Variants in DCAF6 observed in about 807,000 individuals in gnomAD.
DCAF6 encodes DDB1 and CUL4 associated factor 6.
Under a neutral mutation model 125.1 loss-of-function variants are expected in DCAF6, and 54 were observed. The observed-to-expected ratio is 0.43, with a 90% CI of 0.35 to 0.54. The LOEUF (loss-of-function observed/expected upper bound fraction) is 0.54. Among genes scored for constraint, DCAF6 ranks in the 20% least tolerant of loss-of-function variants. DCAF6 has a pLI of 0.01. For synonymous variants in DCAF6, 371 were observed against 390.4 expected (o/e 0.95, Z 0.58); for missense variants, 934 against 1,161.7 (o/e 0.80, Z 2.85).
chr1:167,884,754 G>A, the DCAF6 span, among the ~76,000 whole-genome samples: 3 of 146,074 alleles, frequency 2.1e-5, no homozygotes, highest in African/African-American at 5.1e-5. Context: ...CTGGAGTGCA[G>A]TGGCGCGATC....
intron 12 of DCAF6, among the ~76,000 whole-genome samples, chr1:168,038,011 C>T (rs1340560869): frequency 6.6e-6 from 1 of 152,144 alleles, no homozygotes; most frequent in African/African-American, 2.4e-5. Context: ...CTTATTGATG[C>T]TCAAGCAACT....
intron 12 of DCAF6, among the ~76,000 whole-genome samples, chr1:168,036,769 A>T (rs1189507089): frequency 6.6e-6 from 1 of 152,210 alleles, no homozygotes; most frequent in African/African-American, 2.4e-5. Context: ...TAAAACACTG[A>T]ATGTAATACT....
intron 12 of DCAF6, among the ~76,000 whole-genome samples, chr1:168,026,667 T>C (rs937188582): frequency 3.3e-5 from 5 of 152,024 alleles, no homozygotes; most frequent in Non-Finnish European, 5.9e-5. Flanking sequence ...ATAGAGACTT[T>C]AGGAGGAACA....
chr1:167,893,965 A>G, the DCAF6 span: 6 of 1,569,926 alleles, frequency 3.8e-6, no homozygotes, highest in Non-Finnish European at 5.3e-6. Context: ...AGGAGGGTGC[A>G]GGCTCAGAGA....
chr1:168,043,461 G>A (rs1042116569), intron 14 of DCAF6, among the ~76,000 whole-genome samples: 8 of 152,064 alleles, frequency 5.3e-5, no homozygotes. Context: ...GAAATCCACT[G>A]TATTTGTTTT....
At chr1:167,957,356 AT>A (rs1355547057) in intron 2 of DCAF6, among the ~76,000 whole-genome samples, 2 of 152,090 alleles carry the variant, frequency 1.3e-5, no homozygotes, top group Admixed American at 6.5e-5. Context: ...ACCATACAAT[AT>A]TGGCTGTTAA....
chr1:168,004,021 A>T (rs1682995971), intron 9 of DCAF6, 32 bp downstream of exon 9: 1 of 1,599,852 alleles, frequency 6.3e-7, no homozygotes, highest in Non-Finnish European at 8.5e-7. Flanking sequence ...AGTCATCAGA[A>T]AGCTGGCAAA....
chr1:167,982,846 A>C (rs1679399618), intron 4 of DCAF6, among the ~76,000 whole-genome samples: 1 of 152,116 alleles, frequency 6.6e-6, no homozygotes, highest in Non-Finnish European at 1.5e-5. Context: ...ATATGGTGAA[A>C]TGTAGGGGGG....
intron 11 of DCAF6, among the ~76,000 whole-genome samples, chr1:168,020,306 A>C (rs930205239): frequency 2.0e-5 from 3 of 152,108 alleles, no homozygotes; most frequent in African/African-American, 7.2e-5. Context: ...GAGTAGAAAA[A>C]CCACATTTGA....
intron 4 of DCAF6, among the ~76,000 whole-genome samples, chr1:167,979,908 C>A (rs539840128): frequency 6.7e-6 from 1 of 149,100 alleles, no homozygotes; most frequent in Non-Finnish European, 1.5e-5. Context: ...ACAGGCTGGG[C>A]GCAGTGGCTC....
Position 167,990,936 on chromosome 1 carries a change from T to C in DCAF6, c.553-268T>C, listed in dbSNP as rs1017057592. 5.3e-5 allele frequency among the ~76,000 whole-genome samples: 8 copies of C among 152,302 alleles called. No homozygotes were observed. In the East Asian group the frequency reaches 1.5e-3, roughly 29 times the overall value. The stretch of plus-strand genomic sequence containing the variant: ...TCAATTTTGGAGTTGTATGGCCAAC[T>C]ATAAAGAAAAGAGTATCTTCCTTAG... On this transcript the variant is annotated intron_variant, in intron 5 of 21. Transcript: ENST00000367840.
At chr1:167,947,345 T>G (rs1473617608) in intron 1 of DCAF6, among the ~76,000 whole-genome samples, 5 of 145,668 alleles carry the variant, frequency 3.4e-5, no homozygotes, top group South Asian at 2.1e-4. Context: ...CTTTTGTGGG[T>G]TTTTTTTTTC....
At chr1:167,866,145 T>C in the DCAF6 span, among the ~76,000 whole-genome samples, 1 of 152,236 alleles carries the variant, frequency 6.6e-6, no homozygotes, top group East Asian at 1.9e-4. Flanking sequence ...GGACCTTTAC[T>C]GGGCACTCTG....
intron 7 of DCAF6, among the ~76,000 whole-genome samples, chr1:168,001,553 A>G (rs1682625566): frequency 6.6e-6 from 1 of 152,206 alleles, no homozygotes; most frequent in Admixed American, 6.5e-5. Context: ...TAGATTGAAT[A>G]TAGAATTTTC....
chr1:167,950,154 G>T (rs902175384), intron 1 of DCAF6, among the ~76,000 whole-genome samples: 1 of 138,454 alleles, frequency 7.2e-6, no homozygotes, highest in Non-Finnish European at 1.5e-5. Flanking sequence ...TGTTTCAAAC[G>T]CAGGTTTTAA....
chr1:168,039,089 C>A (rs974106978), intron 13 of DCAF6, among the ~76,000 whole-genome samples: 2 of 151,772 alleles, frequency 1.3e-5, no homozygotes, highest in African/African-American at 4.8e-5. Context: ...CATTTTTTAC[C>A]AAATAAGGCT....
chr1:168,054,110 A>T (rs1041640765), intron 17 of DCAF6, among the ~76,000 whole-genome samples: 1 of 152,250 alleles, frequency 6.6e-6, no homozygotes, highest in African/African-American at 2.4e-5. Context: ...TAACATATAG[A>T]ACTTTTTTAT....
intron 11 of DCAF6, chr1:168,019,507 T>C (rs993949162): frequency 2.2e-6 from 1 of 452,510 alleles, no homozygotes; most frequent in African/African-American, 2.0e-5. Context: ...ATTCAGCATA[T>C]GGCTGATTTT....
Position 168,060,996 on chromosome 1 carries a change from G to A in DCAF6, c.2301-2625G>A, listed in dbSNP as rs544744972. On this transcript the variant is annotated intron_variant, in intron 17 of 21. Transcript: ENST00000367840. ...TGCTACCTATAACTCTACTTTCTTA[G>A]CAAAAGAGTTTTTTCTTTATTGGTT... Among the ~76,000 whole-genome samples the A allele has an allele frequency of 2.0e-4, 31 of 152,216 alleles. No individual in the cohort carries two copies. In the South Asian group the frequency reaches 6.0e-3, roughly 30 times the overall value.
Sources: gnomAD v4.1 joint callset for allele counts (sites outside exome capture counted in the v4.1 genomes callset) on GRCh38, gnomAD v4.1.1 for gene constraint, MANE v1.5 for transcripts, NCBI Gene and HGNC (gene_info 2026-07-23, HGNC 2026-07-21) for gene names.